FGGY: variants seen among roughly 807,000 people sequenced by gnomAD.
FGGY encodes the protein FGGY carbohydrate kinase domain-containing protein.
Under a neutral mutation model 71.3 loss-of-function variants are expected in FGGY, and 72 were observed. The observed-to-expected ratio is 1.01, with a 90% CI of 0.84 to 1.23. FGGY has a LOEUF of 1.23. Ranked by LOEUF, FGGY falls within the 50% of genes most tolerant of loss-of-function variation. FGGY has a pLI of 0.00. For missense variants in FGGY, 668 were observed against 682.3 expected (o/e 0.98, Z 0.23); for synonymous variants, 251 against 250.3 (o/e 1.00, Z -0.02).
chr1:59,618,101 C>T (rs547272293), intron 9 of FGGY, among the ~76,000 whole-genome samples: 1 of 152,158 alleles, frequency 6.6e-6, no homozygotes, highest in African/African-American at 2.4e-5. Context: ...TTCCACTGGG[C>T]CAGCCAAGAA....
intron 6 of FGGY, among the ~76,000 whole-genome samples, chr1:59,478,157 C>G (rs894211160): frequency 1.3e-5 from 2 of 152,188 alleles, no homozygotes; most frequent in Non-Finnish European, 2.9e-5. Flanking sequence ...ACAGAGACCT[C>G]TCAATGCAGG....
At chr1:59,471,969 G>A (rs528629717) in intron 6 of FGGY, among the ~76,000 whole-genome samples, 4 of 152,352 alleles carry the variant, frequency 2.6e-5, no homozygotes, top group African/African-American at 9.6e-5. Flanking sequence ...CAGCGTGCTG[G>A]CAGTCCTCAC....
At chr1:59,394,834 G>T (rs1168666058) in intron 5 of FGGY, among the ~76,000 whole-genome samples, 2 of 152,052 alleles carry the variant, frequency 1.3e-5, no homozygotes, top group Admixed American at 6.6e-5. Context: ...ACAGCACTGA[G>T]ACTAAGCTCA....
intron 5 of FGGY, among the ~76,000 whole-genome samples, chr1:59,395,218 G>A (rs1374590586): frequency 6.6e-6 from 1 of 151,974 alleles, no homozygotes. Flanking sequence ...TTATAACCCC[G>A]GTACAGAGTG....
At chr1:59,485,734 C>A (rs1324479510) in intron 6 of FGGY, among the ~76,000 whole-genome samples, 2 of 152,158 alleles carry the variant, frequency 1.3e-5, no homozygotes, top group Admixed American at 1.3e-4. Context: ...TGAGCACCTA[C>A]TATTTACTAG....
intron 5 of FGGY, among the ~76,000 whole-genome samples, chr1:59,409,641 A>G (rs1385421453): frequency 2.0e-5 from 3 of 149,432 alleles, no homozygotes; most frequent in Non-Finnish European, 2.9e-5. Context: ...CAAGGCAACT[A>G]AAGCTCTGGG....
chr1:59,589,016 C>A (rs1023318423), intron 8 of FGGY, among the ~76,000 whole-genome samples: 6 of 152,108 alleles, frequency 3.9e-5, no homozygotes, highest in South Asian at 2.1e-4. Flanking sequence ...AGAGTCAAGA[C>A]CCATCAGTGT....
In FGGY at chr1:59,640,779, T is replaced by G. The variant is rs79815959; in HGVS notation, c.1221+2404T>G. Among the ~76,000 whole-genome samples, 780 of 151,216 alleles carry G rather than the reference T, an allele frequency of 5.2e-3. 11 individuals are homozygous for G. Among genetic ancestry groups the G allele is most frequent in the Non-Finnish European group, 9.4e-3 (640 of 67,980 alleles). On this transcript the variant is annotated intron_variant, in intron 11 of 15. Coordinates refer to ENST00000303721, the MANE Select transcript of FGGY (RefSeq NM_018291.5). ...ACTGACTATCCATATCGTAAGTATTTAATACCAATATTAATTTCCAAGTAA... is the reference window on the plus strand; with the variant it reads ...ACTGACTATCCATATCGTAAGTATTGAATACCAATATTAATTTCCAAGTAA...
At chr1:59,316,143 T>C (rs1404578979) in intron 1 of FGGY, 1 of 152,216 alleles carries the variant, frequency 6.6e-6, no homozygotes, top group Non-Finnish European at 1.5e-5. Context: ...TTCCCAATCT[T>C]AGCAAATCCC....
intron 6 of FGGY, among the ~76,000 whole-genome samples, chr1:59,499,751 A>G (rs1009650385): frequency 2.6e-5 from 4 of 152,232 alleles, no homozygotes; most frequent in African/African-American, 9.6e-5. Flanking sequence ...ACTGAACAAC[A>G]GTAACAGCAG....
intron 8 of FGGY, among the ~76,000 whole-genome samples, chr1:59,595,627 T>G (rs1167393133): frequency 6.6e-6 from 1 of 152,072 alleles, no homozygotes; most frequent in African/African-American, 2.4e-5. Flanking sequence ...GAGGCAGAAG[T>G]TGCAGTGAGC....
intron 6 of FGGY, among the ~76,000 whole-genome samples, chr1:59,462,112 A>G (rs1306538712): frequency 1.3e-5 from 2 of 152,106 alleles, no homozygotes; most frequent in Non-Finnish European, 2.9e-5. Context: ...TTACAGAGAT[A>G]TAGATCAATG....
chr1:59,429,449 G>C (rs545632158), intron 5 of FGGY, among the ~76,000 whole-genome samples: 1 of 151,984 alleles, frequency 6.6e-6, no homozygotes, highest in African/African-American at 2.4e-5. Context: ...CTTTTCTTTT[G>C]TGAAAACGAT....
chr1:59,430,138 G>T (rs1181924035), intron 5 of FGGY, among the ~76,000 whole-genome samples: 1 of 152,180 alleles, frequency 6.6e-6, no homozygotes, highest in Admixed American at 6.5e-5. Context: ...CTAATTTTCT[G>T]GTCCCATTTT....
chr1:59,723,649 C>T (rs1020132471), intron 14 of FGGY, among the ~76,000 whole-genome samples: 7 of 151,842 alleles, frequency 4.6e-5, no homozygotes, highest in African/African-American at 1.7e-4. Flanking sequence ...ACCTTAATCA[C>T]CCACCACACA....
chr1:59,610,342 T>C (rs1201189194), intron 9 of FGGY, among the ~76,000 whole-genome samples: 3 of 152,232 alleles, frequency 2.0e-5, no homozygotes, highest in Non-Finnish European at 4.4e-5. Flanking sequence ...TGTTTGGTTT[T>C]CTGTTCCTGT....
At chr1:59,746,398 GT>G (rs1222492963) in intron 14 of FGGY, among the ~76,000 whole-genome samples, 1 of 152,138 alleles carries the variant, frequency 6.6e-6, no homozygotes, top group African/African-American at 2.4e-5. Flanking sequence ...GGAAAATAAA[GT>G]TTATTTCAGT....
intron 8 of FGGY, among the ~76,000 whole-genome samples, chr1:59,597,361 A>G (rs1558493469): frequency 6.6e-6 from 1 of 152,184 alleles, no homozygotes; most frequent in Non-Finnish European, 1.5e-5. Flanking sequence ...TAAATCCTCA[A>G]TTTTACTTAT....
intron 6 of FGGY, among the ~76,000 whole-genome samples, chr1:59,511,051 A>G (rs372613122): frequency 1.3e-5 from 2 of 152,328 alleles, no homozygotes; most frequent in South Asian, 4.1e-4. Flanking sequence ...AGTGGCTGCC[A>G]TATTGGACAG....
Sources: gnomAD v4.1 joint callset for allele counts (sites outside exome capture counted in the v4.1 genomes callset) on GRCh38, gnomAD v4.1.1 for gene constraint, MANE v1.5 for transcripts, NCBI Gene and HGNC (gene_info 2026-07-23, HGNC 2026-07-21) for gene names.